The following RASAL2 variants were observed in gnomAD, a reference collection of about 807,000 sequenced individuals.
RASAL2 encodes the protein ras GTPase-activating protein nGAP.
RASAL2 carries 58 observed loss-of-function variants against 128.9 expected under a neutral mutation model. That is an observed-to-expected ratio of 0.45 (90% CI 0.36 to 0.56). The LOEUF is 0.56. RASAL2 is among the 20% of genes least tolerant of loss of function. The pLI, the probability that RASAL2 is intolerant of heterozygous loss-of-function variation, is 0.00. For missense variants in RASAL2, 1,360 were observed against 1,601.6 expected (o/e 0.85, Z 2.57); for synonymous variants, 561 against 580.8 (o/e 0.97, Z 0.49).
At chr1:178,398,430 G>A (rs1673389149) in intron 4 of RASAL2, among the ~76,000 whole-genome samples, 2 of 152,118 alleles carry the variant, frequency 1.3e-5, no homozygotes, top group Admixed American at 6.5e-5. Flanking sequence ...TTTTAATACA[G>A]TCCACCTCTG....
intron 5 of RASAL2, among the ~76,000 whole-genome samples, chr1:178,428,151 G>A (rs547219943): frequency 2.8e-4 from 43 of 151,406 alleles, no homozygotes; most frequent in African/African-American, 8.2e-4. Context: ...TTGTATGGAT[G>A]TACTACGGTT....
chr1:178,357,969 C>T (rs1349436005), intron 3 of RASAL2, among the ~76,000 whole-genome samples: 1 of 151,810 alleles, frequency 6.6e-6, no homozygotes, highest in Non-Finnish European at 1.5e-5. Flanking sequence ...GGTGTGGTGC[C>T]TCACACCTGT....
chr1:178,175,875 A>G (rs1246938421), intron 1 of RASAL2, among the ~76,000 whole-genome samples: 1 of 152,142 alleles, frequency 6.6e-6, no homozygotes, highest in Non-Finnish European at 1.5e-5. Flanking sequence ...AAAAGACATT[A>G]TTTTGTTGTT....
intron 1 of RASAL2, among the ~76,000 whole-genome samples, chr1:178,145,044 T>C (rs1349735274): frequency 1.3e-5 from 2 of 152,176 alleles, no homozygotes; most frequent in Admixed American, 6.5e-5. Context: ...AATAAATGAA[T>C]GCTGTTGTTT....
intron 3 of RASAL2, among the ~76,000 whole-genome samples, chr1:178,334,013 A>C (rs1050171650): frequency 6.6e-6 from 1 of 152,190 alleles, no homozygotes; most frequent in African/African-American, 2.4e-5. Context: ...TTTGAACTAC[A>C]TTGTGTTTTC....
At chr1:178,346,784 A>G (rs1015977772) in intron 3 of RASAL2, among the ~76,000 whole-genome samples, 8 of 152,206 alleles carry the variant, frequency 5.3e-5, no homozygotes, top group African/African-American at 1.9e-4. Flanking sequence ...ATATAGTATA[A>G]AGAAGAAACC....
At chr1:178,199,058 C>T (rs757939931) in intron 1 of RASAL2, among the ~76,000 whole-genome samples, 32 of 152,180 alleles carry the variant, frequency 2.1e-4, no homozygotes, top group Admixed American at 1.3e-4. Context: ...CCCTGCAGTT[C>T]GATCTGGGAC....
At chr1:178,410,353 A>G (rs1674282582) in intron 4 of RASAL2, among the ~76,000 whole-genome samples, 1 of 152,138 alleles carries the variant, frequency 6.6e-6, no homozygotes, top group Non-Finnish European at 1.5e-5. Flanking sequence ...CTCATCTCTC[A>G]CCTTATACAA....
intron 1 of RASAL2, among the ~76,000 whole-genome samples, chr1:178,243,673 C>G (rs1664629860): frequency 6.6e-6 from 1 of 151,596 alleles, no homozygotes; most frequent in South Asian, 2.1e-4. Context: ...GGTTTGAGGT[C>G]AGGCCTGGGT....
At chr1:178,353,820 A>G (rs531067118) in intron 3 of RASAL2, among the ~76,000 whole-genome samples, 1 of 152,264 alleles carries the variant, frequency 6.6e-6, no homozygotes, top group Admixed American at 6.5e-5. Flanking sequence ...GTAGAGAATT[A>G]TACAAGGGTG....
chr1:178,176,189 A>ATTCCCCTTAATG (rs1438229036), intron 1 of RASAL2, among the ~76,000 whole-genome samples: 1 of 151,950 alleles, frequency 6.6e-6, no homozygotes, highest in Non-Finnish European at 1.5e-5. Context: ...GTGTATAAGC[A>ATTCCCCTTAATG]TTCCCCTGTC....
chr1:178,106,306 A>G (rs566253945), intron 1 of RASAL2, among the ~76,000 whole-genome samples: 24 of 152,202 alleles, frequency 1.6e-4, no homozygotes, highest in Non-Finnish European at 2.8e-4. Context: ...TTTGTGCTGA[A>G]GTATAGCATA....
chr1:178,416,467 TTAAA>T (rs553349715), intron 4 of RASAL2, among the ~76,000 whole-genome samples: 3 of 152,036 alleles, frequency 2.0e-5, no homozygotes, highest in Admixed American at 6.5e-5. Context: ...GCATACATAA[TTAAA>T]TACATTGTTG....
intron 4 of RASAL2, among the ~76,000 whole-genome samples, chr1:178,391,543 C>A (rs1386322218): frequency 1.3e-5 from 2 of 151,934 alleles, no homozygotes; most frequent in Non-Finnish European, 2.9e-5. Context: ...TCATGTAATA[C>A]CAATAGTAGT....
At chr1:178,391,059 A>G (rs1293752215) in intron 4 of RASAL2, among the ~76,000 whole-genome samples, 1 of 152,210 alleles carries the variant, frequency 6.6e-6, no homozygotes, top group Non-Finnish European at 1.5e-5. Context: ...TGCTTAAGAA[A>G]AACCTTGAAA....
At chr1:178,252,598 A>G (rs1474163230) in intron 1 of RASAL2, among the ~76,000 whole-genome samples, 1 of 152,240 alleles carries the variant, frequency 6.6e-6, no homozygotes, top group African/African-American at 2.4e-5. Context: ...CTAAAGAAAG[A>G]GAAATGAAAT....
At chr1:178,132,573 C>T (rs1264225201) in intron 1 of RASAL2, among the ~76,000 whole-genome samples, 1 of 152,002 alleles carries the variant, frequency 6.6e-6, no homozygotes, top group Non-Finnish European at 1.5e-5. Flanking sequence ...TAGGTTGGTG[C>T]AAAAGTAATG....
chr1:178,340,568 ACT>A (rs1669820006), intron 3 of RASAL2, among the ~76,000 whole-genome samples: 1 of 152,192 alleles, frequency 6.6e-6, no homozygotes, highest in Non-Finnish European at 1.5e-5. Context: ...TTGGAAAGCC[ACT>A]CAGTTTATAA....
chr1:178,221,977 C>A (rs1023260036), intron 1 of RASAL2, among the ~76,000 whole-genome samples: 1 of 152,088 alleles, frequency 6.6e-6, no homozygotes, highest in African/African-American at 2.4e-5. Context: ...GTTAAATTTT[C>A]TTGGAGAATT....
Sources: gnomAD v4.1 joint callset for allele counts (sites outside exome capture counted in the v4.1 genomes callset) on GRCh38, gnomAD v4.1.1 for gene constraint, MANE v1.5 for transcripts, NCBI Gene and HGNC (gene_info 2026-07-23, HGNC 2026-07-21) for gene names.